Variants in FABP7 observed in about 807,000 individuals in gnomAD.
FABP7 encodes fatty acid-binding protein, brain.
Under a neutral mutation model 14.2 loss-of-function variants are expected in FABP7, and 13 were observed. That is an observed-to-expected ratio of 0.91 (90% CI 0.59 to 1.45). FABP7 has a LOEUF of 1.45. FABP7 is among the 40% of genes most tolerant of loss of function. The pLI is 0.00. For missense variants in FABP7, 149 were observed against 157.6 expected (o/e 0.95, Z 0.29); for synonymous variants, 49 against 51.4 (o/e 0.95, Z 0.20).
chr6:122,768,093 T>C, the FABP7 span, among the ~76,000 whole-genome samples: 1 of 152,094 alleles, frequency 6.6e-6, no homozygotes, highest in African/African-American at 2.4e-5. Flanking sequence ...GTAGAAATCA[T>C]AGACCATTAA....
chr6:122,773,439 T>A, the FABP7 span, among the ~76,000 whole-genome samples: 1 of 152,212 alleles, frequency 6.6e-6, no homozygotes, highest in Non-Finnish European at 1.5e-5. Context: ...AAATCTATAC[T>A]GTCACCTGTA....
At chr6:122,764,430 A>G in the FABP7 span, among the ~76,000 whole-genome samples, 1 of 152,060 alleles carries the variant, frequency 6.6e-6, no homozygotes, top group African/African-American at 2.4e-5. Flanking sequence ...GGAGAAATAC[A>G]TAATGTAAAT....
At chr6:122,770,883 A>C in the FABP7 span, among the ~76,000 whole-genome samples, 1 of 152,326 alleles carries the variant, frequency 6.6e-6, no homozygotes, top group South Asian at 2.1e-4. Context: ...GCTCTGCAGA[A>C]GCAGCAGAGG....
intron 3 of FABP7, chr6:122,781,697 CA>C (rs1582520447): frequency 4.8e-6 from 4 of 829,104 alleles, no homozygotes; most frequent in African/African-American, 1.9e-5. Context: ...AAAAGTATAA[CA>C]AAAAAATTAA....
At chr6:122,755,255 A>T in the FABP7 span, among the ~76,000 whole-genome samples, 1 of 151,928 alleles carries the variant, frequency 6.6e-6, no homozygotes, top group Non-Finnish European at 1.5e-5. Context: ...AGCAAAATTC[A>T]TCTCTCTTCC....
At chr6:122,749,869 T>A in the FABP7 span, among the ~76,000 whole-genome samples, 8 of 152,346 alleles carry the variant, frequency 5.3e-5, no homozygotes, top group African/African-American at 1.9e-4. Flanking sequence ...TCTTGCTTCA[T>A]TTCATGTTGC....
At chr6:122,751,469 G>A in the FABP7 span, among the ~76,000 whole-genome samples, 1 of 152,148 alleles carries the variant, frequency 6.6e-6, no homozygotes, top group Non-Finnish European at 1.5e-5. Context: ...CATCTATGCC[G>A]AGAAGTCTTC....
chr6:122,771,443 G>C, the FABP7 span, among the ~76,000 whole-genome samples: 1 of 152,054 alleles, frequency 6.6e-6, no homozygotes, highest in Non-Finnish European at 1.5e-5. Context: ...GCAGAGATCA[G>C]TAAACAAAAA....
chr6:122,775,034 C>T (rs983756131), upstream of FABP7, among the ~76,000 whole-genome samples: 4 of 151,870 alleles, frequency 2.6e-5, no homozygotes, highest in Admixed American at 2.0e-4. Context: ...AAAGATATTG[C>T]ATGTTCATGA....
At chr6:122,777,845 A>AAAT (rs1780701638), upstream of FABP7, among the ~76,000 whole-genome samples, 2 of 143,778 alleles carry the variant, frequency 1.4e-5, no homozygotes, top group African/African-American at 5.0e-5. Context: ...CCTTTCTCCA[A>AAAT]AAATAAATAA....
chr6:122,771,597 C>G, the FABP7 span, among the ~76,000 whole-genome samples: 20 of 152,184 alleles, frequency 1.3e-4, no homozygotes, highest in Non-Finnish European at 2.2e-4. Context: ...TGGCATGGCA[C>G]AAAACTCTCC....
At chr6:122,774,914 C>T (rs200028792), upstream of FABP7, among the ~76,000 whole-genome samples, 17 of 151,528 alleles carry the variant, frequency 1.1e-4, no homozygotes, top group East Asian at 3.3e-3. Context: ...TCTATAATAG[C>T]TACGATAAAC....
upstream of FABP7, among the ~76,000 whole-genome samples, chr6:122,777,845 AAAATAAATAAAT>A (rs56666229): frequency 2.8e-5 from 4 of 143,778 alleles, no homozygotes; most frequent in Admixed American, 2.1e-4. Flanking sequence ...CCTTTCTCCA[AAAATAAATAAAT>A]AAATAAATAA....
At chr6:122,769,924 G>A in the FABP7 span, among the ~76,000 whole-genome samples, 1 of 151,920 alleles carries the variant, frequency 6.6e-6, no homozygotes, top group Non-Finnish European at 1.5e-5. Flanking sequence ...TCAAACAAAG[G>A]CTTATAATAC....
chr6:122,783,343 TA>T, intron 3 of FABP7: 2 of 985,106 alleles, frequency 2.0e-6, no homozygotes, highest in Non-Finnish European at 2.4e-6. Context: ...TTATCTAGGT[TA>T]AGAATTGAAA....
At chr6:122,763,155 T>G in the FABP7 span, among the ~76,000 whole-genome samples, 1 of 152,292 alleles carries the variant, frequency 6.6e-6, no homozygotes, top group African/African-American at 2.4e-5. Flanking sequence ...AAGGGTACAG[T>G]AACCAAAACA....
chr6:122,781,740 CT>C (rs34336029), intron 3 of FABP7: 141,609 of 729,288 alleles, frequency 0.19, 1,895 homozygotes, highest in East Asian at 0.25. Context: ...AGTGATAACC[CT>C]TTTTTTTTTT....
chr6:122,783,550 A>G (rs1780846689), intron 3 of FABP7, 167 bp from the exon 4 acceptor site: 4 of 985,120 alleles, frequency 4.1e-6, no homozygotes, highest in Non-Finnish European at 3.6e-6. Flanking sequence ...CATAAACTGT[A>G]TATCAATATA....
rs369236819 is a variant in FABP7 at position 122,783,804 on chromosome 6, T to C, written c.*37T>C. On this transcript the variant is annotated 3_prime_UTR_variant, in exon 4 of 4. Transcript: ENST00000368444. The stretch of plus-strand genomic sequence containing the variant: ...GTCGGGGCTTGGAAGAGCTCTTCAG[T>C]TTTTCTGTTTCCTCAAGTCTCAGTG... 4.2e-5 allele frequency: 65 copies of C among 1,544,388 alleles called. No homozygotes were observed. Among genetic ancestry groups the C allele is most frequent in the Non-Finnish European group, 5.4e-5 (61 of 1,123,838 alleles).
Sources: allele counts gnomAD v4.1 joint callset (sites outside exome capture counted in the v4.1 genomes callset), GRCh38; gene constraint gnomAD v4.1.1; transcripts MANE v1.5; gene names NCBI Gene and HGNC (gene_info 2026-07-23, HGNC 2026-07-21).